Variants in CCDC138 observed in about 807,000 individuals in gnomAD.
The protein encoded by CCDC138 is coiled-coil domain containing 138.
A neutral mutation model predicts 82.3 loss-of-function variants in CCDC138; 66 were observed. That is an observed-to-expected ratio of 0.80 (90% CI 0.66 to 0.98). The LOEUF is 0.98. CCDC138 is among the 50% of genes least tolerant of loss of function. The probability of loss-of-function intolerance (pLI) is 0.00; values close to 1 mark genes in which losing one functional copy is unlikely to be tolerated. For missense variants in CCDC138, 816 were observed against 758.9 expected, an observed-to-expected ratio of 1.08 and a Z score of -0.88; for synonymous variants, 297 against 265.4, an observed-to-expected ratio of 1.12 and a Z score of -1.16.
intron 13 of CCDC138, among the ~76,000 whole-genome samples, chr2:108,868,505 C>G (rs967382698): frequency 2.0e-5 from 3 of 152,168 alleles, no homozygotes; most frequent in African/African-American, 7.2e-5. Flanking sequence ...TCATCATTCT[C>G]ACCTCTTTCT....
downstream of CCDC138, among the ~76,000 whole-genome samples, chr2:108,881,113 C>T (rs1228003786): frequency 1.3e-5 from 2 of 152,158 alleles, no homozygotes; most frequent in African/African-American, 2.4e-5. Flanking sequence ...CATGGTCTTC[C>T]AATAGAAGGC....
Position 108,873,487 on chromosome 2 carries a change from C to CTT in CCDC138, c.1732_1733dup (p.Leu578PhefsTer21), listed in dbSNP as rs780151096. On this transcript the variant is annotated frameshift_variant, in exon 14 of 15. Coordinates refer to ENST00000295124, the MANE Select transcript of CCDC138 (RefSeq NM_144978.3). LOFTEE classifies it high-confidence loss of function. ...CCTTTCCTGGAAGCCTGTAGCAACTCTTTATTTTTTCGTACTTGCTCTGTG... is the reference window on the plus strand; with the variant it reads ...CCTTTCCTGGAAGCCTGTAGCAACTCTTTTTATTTTTTCGTACTTGCTCTGTG... The CTT allele has an allele frequency of 2.5e-6, 4 of 1,607,190 alleles. No individual in the cohort carries two copies.
rs188181721 is a variant in CCDC138 at position 108,856,712 on chromosome 2, C to T, written c.1517-82C>T. 79 of 1,279,970 alleles carry T rather than the reference C, an allele frequency of 6.2e-5. 1 individual carries two copies. The African/African-American group carries it at 9.0e-4, about 15-fold the overall frequency. 79.3% of individuals were successfully genotyped at this position (1,279,970 alleles called of 1,614,324 possible). ...TTGTCTTTTGAGTTTGTTAAAGTAA[C>T]GACATTGCTTTTTTACCTTCTGTTT... is the stretch of plus-strand genomic sequence containing the variant. On this transcript the variant is annotated intron_variant, in intron 12 of 14. Coordinates refer to ENST00000295124, the MANE Select transcript of CCDC138 (RefSeq NM_144978.3).
intron 10 of CCDC138, among the ~76,000 whole-genome samples, chr2:108,835,978 G>A (rs1688507320): frequency 6.6e-6 from 1 of 152,170 alleles, no homozygotes; most frequent in Non-Finnish European, 1.5e-5. Flanking sequence ...AGGAGAAAGG[G>A]AGCCCAGTCC....
At chr2:108,833,894 A>AT (rs749488565) in intron 10 of CCDC138, among the ~76,000 whole-genome samples, 49,952 of 79,158 alleles carry the variant, frequency 0.63, 15,369 homozygotes, top group East Asian at 0.81. Flanking sequence ...CGCCCGGCTA[A>AT]TTTTTTTTTT....
At chr2:108,845,573 T>G (rs1690299281) in intron 11 of CCDC138, among the ~76,000 whole-genome samples, 1 of 1,624 alleles carries the variant, frequency 6.2e-4, no homozygotes, top group Admixed American at 0.01. Flanking sequence ...TTCATTTGAT[T>G]TTTTTTTTTT....
intron 9 of CCDC138, among the ~76,000 whole-genome samples, chr2:108,814,747 G>T (rs1482138348): frequency 6.7e-6 from 1 of 150,306 alleles, no homozygotes; most frequent in Admixed American, 6.6e-5. Flanking sequence ...TTGCCTTCTG[G>T]GTTCAAGCCT....
intron 2 of CCDC138, chr2:108,884,807 G>A (rs765525025): frequency 2.0e-5 from 3 of 152,204 alleles, no homozygotes; most frequent in Non-Finnish European, 4.4e-5. Context: ...GCAGCTGTGA[G>A]TCCAGGCTTG....
At chr2:108,820,837 A>G (rs1400802674) in intron 10 of CCDC138, among the ~76,000 whole-genome samples, 1 of 152,172 alleles carries the variant, frequency 6.6e-6, no homozygotes, top group Non-Finnish European at 1.5e-5. Flanking sequence ...AAAATTACTA[A>G]AGAGAGTCCT....
chr2:108,864,123 T>A (rs1694048807), intron 13 of CCDC138, among the ~76,000 whole-genome samples: 1 of 152,116 alleles, frequency 6.6e-6, no homozygotes. Flanking sequence ...TAAGTTTGTG[T>A]TATATAGCAT....
At chr2:108,881,092 G>A (rs1264055095), downstream of CCDC138, among the ~76,000 whole-genome samples, 1 of 152,238 alleles carries the variant, frequency 6.6e-6, no homozygotes, top group East Asian at 1.9e-4. Flanking sequence ...CAGATGTGGA[G>A]CCTAAGATGG....
intron 13 of CCDC138, among the ~76,000 whole-genome samples, chr2:108,864,897 G>A (rs550152050): frequency 6.6e-6 from 1 of 151,878 alleles, no homozygotes; most frequent in South Asian, 2.1e-4. Flanking sequence ...GGAGTTCAAC[G>A]TTGTACTGAG....
intron 10 of CCDC138, among the ~76,000 whole-genome samples, chr2:108,826,557 C>G (rs969925194): frequency 1.3e-5 from 2 of 152,112 alleles, no homozygotes; most frequent in African/African-American, 4.8e-5. Flanking sequence ...AAAATAAATA[C>G]AGTGTAAATA....
rs751607499 is a variant in CCDC138, at chr2:108,812,742, A to G, written c.933+34A>G. On this transcript the variant is annotated intron_variant, in intron 8 of 14. Coordinates refer to ENST00000295124, the MANE Select transcript of CCDC138 (RefSeq NM_144978.3). ...CCTGTTCTTCTCTACAGACAGAAGT[A>G]TGTTTTTAGATGATTACCTTTGAGT... The G allele has an allele frequency of 5.0e-6, 8 of 1,607,206 alleles. No homozygotes were observed. The South Asian group carries it at 6.6e-5, about 13-fold the overall frequency.
At chr2:108,861,890 A>G (rs1299865088) in intron 13 of CCDC138, among the ~76,000 whole-genome samples, 1 of 152,022 alleles carries the variant, frequency 6.6e-6, no homozygotes, top group Non-Finnish European at 1.5e-5. Flanking sequence ...TTGGTATGTT[A>G]TATCTTGATT....
chr2:108,839,033 A>G lies in CCDC138; in HGVS notation c.1207-152A>G. On this transcript the variant is annotated intron_variant, in intron 10 of 14. Transcript: ENST00000295124. ...ACTAAAATACATATTGCCAAATTGT[A>G]TTGCATATAGTTTTAAAGTGAAGGT... 3 of 731,256 alleles carry G rather than the reference A, an allele frequency of 4.1e-6. No individual in the cohort carries two copies. In the African/African-American group the frequency reaches 5.4e-5, roughly 13 times the overall value. The allele number at this position is 731,256 out of a possible 1,614,324, so 45.3% of individuals were successfully genotyped here. A position where few individuals can be genotyped will look rare whatever the true frequency, so the allele number is the denominator to read the frequency against.
intron 10 of CCDC138, among the ~76,000 whole-genome samples, chr2:108,826,632 G>A (rs963583005): frequency 1.3e-5 from 2 of 152,134 alleles, no homozygotes; most frequent in Non-Finnish European, 2.9e-5. Context: ...TTATGCCGGT[G>A]TCACACTCGA....
chr2:108,819,894 CTG>C (rs750543978), intron 10 of CCDC138, among the ~76,000 whole-genome samples: 3 of 152,134 alleles, frequency 2.0e-5, no homozygotes, highest in Admixed American at 6.6e-5. Flanking sequence ...GATTTAAAAA[CTG>C]TAACCGATAA....
At chr2:108,855,077 C>A (rs575947016) in intron 12 of CCDC138, among the ~76,000 whole-genome samples, 2 of 152,034 alleles carry the variant, frequency 1.3e-5, no homozygotes, top group East Asian at 3.9e-4. Context: ...TAAAAAGAAA[C>A]CAACTTTGAT....
Sources: gnomAD v4.1 joint callset for allele counts (sites outside exome capture counted in the v4.1 genomes callset) on GRCh38, gnomAD v4.1.1 for gene constraint, MANE v1.5 for transcripts, NCBI Gene and HGNC (gene_info 2026-07-23, HGNC 2026-07-21) for gene names.